Variants in IGFBP1 observed in about 807,000 individuals in gnomAD.
IGFBP1 encodes insulin like growth factor binding protein 1.
IGFBP1 carries 31 observed loss-of-function variants against 23.1 expected under a neutral mutation model. That is an observed-to-expected ratio of 1.34 (90% CI 1.01 to 1.81). The LOEUF (loss-of-function observed/expected upper bound fraction) is 1.81, where lower values mean the gene tolerates loss of function less well. Among genes scored for constraint, IGFBP1 ranks in the 40% most tolerant of loss-of-function variants. The probability of loss-of-function intolerance (pLI) is 0.00; values close to 1 mark genes in which losing one functional copy is unlikely to be tolerated. For synonymous variants in IGFBP1, 148 were observed against 145.5 expected (o/e 1.02, Z -0.13); for missense variants, 333 against 342.2 (o/e 0.97, Z 0.21).
rs1315702005 is a variant in IGFBP1, at chr7:45,893,254, CTGTAA to C, written c.*164_*168del. On this transcript the variant is annotated 3_prime_UTR_variant, in exon 4 of 4. Coordinates refer to ENST00000275525, the MANE Select transcript of IGFBP1 (RefSeq NM_000596.4). ...ATATAGAAAGCTGTTTATTTATTCA[CTGTAA>C]GTTTATTTTTTCTACACAGTAAAAA... The C allele has an allele frequency of 1.4e-5, 4 of 280,236 alleles. No individual in the cohort carries two copies. Among genetic ancestry groups the C allele is most frequent in the African/African-American group, 8.9e-5 (4 of 44,718 alleles). 17.4% of individuals were successfully genotyped at this position (280,236 alleles called of 1,614,324 possible). A position where few individuals can be genotyped will look rare whatever the true frequency, so the allele number is the denominator to read the frequency against.
At chr7:45,889,161 G>T (rs1787037080) in intron 1 of IGFBP1, among the ~76,000 whole-genome samples, 160 bp downstream of exon 1, 1 of 152,238 alleles carries the variant, frequency 6.6e-6, no homozygotes. Context: ...GAAGGAGCTT[G>T]GGTCACCCAG....
At position 45,889,911 on chromosome 7, in the gene IGFBP1, G is replaced by T. The variant is rs9658204; in HGVS notation, c.350-637G>T. Among the ~76,000 whole-genome samples, 204 of 152,308 alleles carry T rather than the reference G, an allele frequency of 1.3e-3. 4 individuals carry two copies. Among genetic ancestry groups the T allele is most frequent in the African/African-American group, 4.6e-3 (193 of 41,580 alleles). On this transcript the variant is annotated intron_variant, in intron 1 of 3. Transcript: ENST00000275525. ...CGTCTCACTGATCCTCAAGGAGATG[G>T]ATTTCCACAGGGGGTCCCTTATAGG... is the stretch of plus-strand genomic sequence containing the variant.
At chr7:45,891,380 A>G (rs1383998046) in intron 2 of IGFBP1, among the ~76,000 whole-genome samples, 2 of 152,228 alleles carry the variant, frequency 1.3e-5, no homozygotes, top group Admixed American at 6.5e-5. Flanking sequence ...GGATTAAACC[A>G]TTTTCTCAAC....
At position 45,892,964 on chromosome 7, in the gene IGFBP1, A is replaced by C. The variant is rs117054298; in HGVS notation, c.653A>C (p.Glu218Ala). 6.2e-7 allele frequency: 1 copy of C among 1,611,980 alleles called. No homozygotes were observed. Among genetic ancestry groups the C allele is most frequent in the African/African-American group, 1.3e-5 (1 of 75,006 alleles). Residue 218 changes from glutamate to alanine, a missense_variant, in exon 4 of 4, where the codon GAG becomes GCG. Transcript: ENST00000275525. ...KNGFYHSRQC[E>A]TSMDGEAGLC... is the part of the protein sequence containing the mutation. ...ACCTTGGTCTTGTCTTTGCAGTGTG[A>C]GACATCCATGGATGGAGAGGCGGGA... is the stretch of plus-strand genomic sequence containing the variant.
At chr7:45,889,059 TC>T (rs1406363583) in intron 1 of IGFBP1, 58 bp downstream of exon 1, 1 of 1,301,398 alleles carries the variant, frequency 7.7e-7, no homozygotes. Context: ...GCCCGGCACC[TC>T]CCGCCCCCAC....
chr7:45,888,835 G>T lies in IGFBP1; in HGVS notation c.183G>T (p.Pro61=). 2 of 1,544,794 alleles carry T rather than the reference G, an allele frequency of 1.3e-6. No homozygotes were observed. The highest frequency in any genetic ancestry group is 1.7e-6 in the Non-Finnish European group (2 of 1,153,728). The change falls in exon 1 of 4, where the codon CCG becomes CCT. Residue 61 remains proline (P), a synonymous_variant. Coordinates refer to ENST00000275525, the MANE Select transcript of IGFBP1 (RefSeq NM_000596.4). ...VTRSAGCGCC[P]MCALPLGAAC... ...GGTCCGCCGGCTGCGGCTGTTGCCC[G>T]ATGTGCGCCCTGCCTCTGGGCGCCG...
intron 3 of IGFBP1, 117 bp downstream of exon 3, chr7:45,892,177 G>T: frequency 1.8e-6 from 2 of 1,141,586 alleles, no homozygotes; most frequent in Admixed American, 2.2e-5. Flanking sequence ...CACCAGAAGT[G>T]GTTGTATTGA....
chr7:45,893,117 C>T lies in IGFBP1; in HGVS notation c.*26C>T, dbSNP rs201675959. 201 of 1,556,748 alleles carry T rather than the reference C, an allele frequency of 1.3e-4. 4 individuals carry two copies. In the South Asian group the frequency reaches 1.4e-3, roughly 10 times the overall value. On this transcript the variant is annotated 3_prime_UTR_variant, in exon 4 of 4. Coordinates refer to ENST00000275525, the MANE Select transcript of IGFBP1 (RefSeq NM_000596.4). Reference sequence around the variant, plus strand: ...AACCAGATGAAATAATGTTCTGTCACGTGAAATATTTAAGTATATAGTATA... The same window carrying T: ...AACCAGATGAAATAATGTTCTGTCATGTGAAATATTTAAGTATATAGTATA...
chr7:45,892,153 C>A, intron 3 of IGFBP1, 93 bp downstream of exon 3: 1 of 1,386,232 alleles, frequency 7.2e-7, no homozygotes, highest in South Asian at 1.3e-5. Flanking sequence ...AAAGAAGGTC[C>A]ACTCCAAAGT....
intron 1 of IGFBP1, 102 bp from the exon 2 acceptor site, chr7:45,890,446 A>G: frequency 7.7e-7 from 1 of 1,292,552 alleles, no homozygotes; most frequent in Non-Finnish European, 1.1e-6. Flanking sequence ...GGCCATCCTC[A>G]TGGCCCAGCC....
chr7:45,891,545 C>T (rs1468438810), intron 2 of IGFBP1, among the ~76,000 whole-genome samples: 1 of 152,162 alleles, frequency 6.6e-6, no homozygotes, highest in Non-Finnish European at 1.5e-5. Context: ...ATGTCTTCTG[C>T]TAAATTCTTA....
rs758909946 is a variant in IGFBP1, at chr7:45,888,732, C to G, written c.80C>G (p.Pro27Arg). The change falls in exon 1 of 4, where the codon CCG (proline) becomes CGG (arginine). Residue 27 changes from proline to arginine, a missense_variant. Coordinates refer to ENST00000275525, the MANE Select transcript of IGFBP1 (RefSeq NM_000596.4). ...CAGGTCGGCGTGACAGCCGGCGCTC[C>G]GTGGCAGTGCGCGCCCTGCTCCGCC... ...TVQVGVTAGA[P>R]WQCAPCSAEK... is the part of the protein sequence containing the mutation. The G allele has an allele frequency of 3.1e-6, 5 of 1,593,990 alleles. No individual in the cohort carries two copies. The highest frequency in any genetic ancestry group is 2.7e-5 in the African/African-American group (2 of 74,612).
chr7:45,889,814 C>G (rs1787048869), intron 1 of IGFBP1, among the ~76,000 whole-genome samples: 2 of 152,178 alleles, frequency 1.3e-5, no homozygotes, highest in Admixed American at 6.5e-5. Context: ...GTGTGAGAGT[C>G]AGTGACCCTT....
Position 45,888,762 on chromosome 7 carries a change from A to G in IGFBP1, c.110A>G (p.Lys37Arg), listed in dbSNP as rs745725926. Residue 37 changes from lysine to arginine, a missense_variant, in exon 1 of 4, where the codon AAG becomes AGG. Transcript: ENST00000275525. ...PWQCAPCSAE[K>R]LALCPPVSAS... is the part of the protein sequence containing the mutation. ...CAGTGCGCGCCCTGCTCCGCCGAGA[A>G]GCTCGCGCTCTGCCCGCCGGTGTCC... The G allele has an allele frequency of 3.2e-6, 5 of 1,577,406 alleles. No homozygotes were observed. The Admixed American group carries it at 8.8e-5, about 28-fold the overall frequency.
In IGFBP1 at chr7:45,893,436, A is replaced by C. The variant is rs1178854072; in HGVS notation, c.*345A>C. The C allele has an allele frequency of 6.5e-6, 1 of 152,710 alleles. No individual in the cohort carries two copies. The highest frequency in any genetic ancestry group is 1.5e-5 in the Non-Finnish European group (1 of 68,444). The allele number at this position is 152,710 out of a possible 1,614,324, so 9.5% of individuals were successfully genotyped here. ...GAAAAATACTGCCTAGAAAATGCAA[A>C]ATGAAATAAGAGAGAGTAGTTTTTC... is the stretch of plus-strand genomic sequence containing the variant. On this transcript the variant is annotated 3_prime_UTR_variant, in exon 4 of 4. Coordinates refer to ENST00000275525, the MANE Select transcript of IGFBP1 (RefSeq NM_000596.4).
At chr7:45,890,843 C>A in intron 2 of IGFBP1, 126 bp downstream of exon 2, 1 of 849,670 alleles carries the variant, frequency 1.2e-6, no homozygotes. Context: ...GCTTTTCCCC[C>A]AAAACCTAGT....
Position 45,888,614 on chromosome 7 carries a change from C to CAG in IGFBP1, c.-34_-33dup. ...GGGCCACCGCCCGCCGCCACCAGCC[C>CAG]AGAGAGCATCGGCCCCTGTCTGCTG... On this transcript the variant is annotated 5_prime_UTR_variant, in exon 1 of 4. Transcript: ENST00000275525. 1 of 1,544,700 alleles carries CAG rather than the reference C, an allele frequency of 6.5e-7. No homozygotes were observed. Among genetic ancestry groups the CAG allele is most frequent in the South Asian group, 1.2e-5 (1 of 86,102 alleles).
Position 45,889,426 on chromosome 7 carries a change from G to T in IGFBP1, c.349+425G>T, listed in dbSNP as rs9658199. On this transcript the variant is annotated intron_variant, in intron 1 of 3. Coordinates refer to ENST00000275525, the MANE Select transcript of IGFBP1 (RefSeq NM_000596.4). ...GGCAGCCCCAGTGGCTGGAGCATCC[G>T]GGAAGGCCTAAGAAGGGAATCCCTC... Among the ~76,000 whole-genome samples the T allele has an allele frequency of 1.2e-4, 18 of 152,292 alleles. No homozygotes were observed. In the East Asian group the frequency reaches 3.1e-3, roughly 26 times the overall value.
rs1400457107 is a variant in IGFBP1, at chr7:45,888,642, C to A, written c.-11C>A. 1.3e-6 allele frequency: 2 copies of A among 1,592,684 alleles called. No individual in the cohort carries two copies. Among genetic ancestry groups the A allele is most frequent in the East Asian group, 4.5e-5 (2 of 44,554 alleles). On this transcript the variant is annotated 5_prime_UTR_variant, in exon 1 of 4. Coordinates refer to ENST00000275525, the MANE Select transcript of IGFBP1 (RefSeq NM_000596.4). ...AGAGCATCGGCCCCTGTCTGCTGCT[C>A]GCGCCTGGAGATGTCAGAGGTCCCC...
Sources: gnomAD v4.1 joint callset for allele counts (sites outside exome capture counted in the v4.1 genomes callset) on GRCh38, gnomAD v4.1.1 for gene constraint, MANE v1.5 for transcripts, NCBI Gene and HGNC (gene_info 2026-07-23, HGNC 2026-07-21) for gene names.